Variants in SLF1 observed in about 807,000 individuals in gnomAD.
The protein encoded by SLF1 is SMC5/6 complex localization factor 1.
In SLF1, 105 loss-of-function variants were observed where a neutral mutation model predicts 123.0. The ratio of observed to expected loss-of-function variants is 0.85; its 90% CI spans 0.73 to 1.00. The LOEUF is 1.00. SLF1 is among the 50% of genes least tolerant of loss of function. The pLI, the probability that SLF1 is intolerant of heterozygous loss-of-function variation, is 0.00. For synonymous variants in SLF1, 434 were observed against 406.6 expected, an observed-to-expected ratio of 1.07 and a Z score of -0.81; for missense variants, 1,239 against 1,223.0, an observed-to-expected ratio of 1.01 and a Z score of -0.20.
intron 1 of SLF1, among the ~76,000 whole-genome samples, chr5:94,626,754 G>C (rs1182796922): frequency 6.6e-6 from 1 of 152,168 alleles, no homozygotes; most frequent in Non-Finnish European, 1.5e-5. Context: ...GGCAGTGCAG[G>C]ACTACTACTG....
chr5:94,677,874 A>C (rs1475729951), intron 14 of SLF1, among the ~76,000 whole-genome samples: 1 of 152,148 alleles, frequency 6.6e-6, no homozygotes, highest in Non-Finnish European at 1.5e-5. Flanking sequence ...TACATTTCTT[A>C]TAAGAATTTA....
At chr5:94,655,200 C>T (rs1057263355) in intron 9 of SLF1, among the ~76,000 whole-genome samples, 2 of 152,118 alleles carry the variant, frequency 1.3e-5, no homozygotes, top group African/African-American at 2.4e-5. Flanking sequence ...TGTCCTTTCC[C>T]CCGTGAGTGT....
intron 8 of SLF1, among the ~76,000 whole-genome samples, chr5:94,653,884 C>G (rs1248427163): frequency 6.6e-6 from 1 of 151,198 alleles, no homozygotes; most frequent in Non-Finnish European, 1.5e-5. Context: ...CTAAACCATA[C>G]CATGGGCTGG....
At chr5:94,680,792 C>T (rs1277712904) in intron 15 of SLF1, among the ~76,000 whole-genome samples, 1 of 152,152 alleles carries the variant, frequency 6.6e-6, no homozygotes, top group African/African-American at 2.4e-5. Context: ...CGCTTTAAAG[C>T]AGGACATTGT....
Position 94,629,130 on chromosome 5 carries a change from A to G in SLF1, c.153A>G (p.Leu51=), listed in dbSNP as rs1744932094. Residue 51 remains leucine, a synonymous_variant, in exon 3 of 21, where the codon CTA becomes CTG. Transcript: ENST00000265140. ...GTACACATCTTATAGCTGAACGCCT[A>G]TGTAAGAGTGAAAAATTTTTAGCAG... ...KNCTHLIAER[L]CKSEKFLAAC... 2.6e-6 allele frequency: 4 copies of G among 1,548,852 alleles called. No homozygotes were observed. Among genetic ancestry groups the G allele is most frequent in the Non-Finnish European group, 2.6e-6 (3 of 1,145,960 alleles).
At position 94,649,366 on chromosome 5, in the gene SLF1, ATTATAG is replaced by A. The variant is rs758630067; in HGVS notation, c.595-84_595-79del. The A allele has an allele frequency of 2.4e-4, 265 of 1,101,294 alleles. 1 individual carries two copies. The highest frequency in any genetic ancestry group is 3.7e-4 in the East Asian group (13 of 35,492). 68.2% of individuals were successfully genotyped at this position (1,101,294 alleles called of 1,614,324 possible). On this transcript the variant is annotated intron_variant, in intron 5 of 20. Coordinates refer to ENST00000265140, the MANE Select transcript of SLF1 (RefSeq NM_032290.4). ...TACCTACTTGTTTGACTAACAAAGT[ATTATAG>A]TTAAAGTTGAGTACCATAAAACGTA...
intron 6 of SLF1, 101 bp downstream of exon 6, chr5:94,649,698 C>A: frequency 8.7e-7 from 1 of 1,146,676 alleles, no homozygotes; most frequent in Non-Finnish European, 1.2e-6. Flanking sequence ...AATCAGAAGG[C>A]TGGTGTTTGA....
intron 11 of SLF1, among the ~76,000 whole-genome samples, chr5:94,665,658 C>T (rs1361759209): frequency 6.6e-6 from 1 of 152,088 alleles, no homozygotes; most frequent in South Asian, 2.1e-4. Context: ...GAGGCTGAGG[C>T]AGAAAAATCG....
intron 3 of SLF1, among the ~76,000 whole-genome samples, chr5:94,630,250 T>C (rs1447472907): frequency 6.6e-6 from 1 of 152,208 alleles, no homozygotes; most frequent in Non-Finnish European, 1.5e-5. Flanking sequence ...TAATTATAAC[T>C]AAGTTATAGC....
chr5:94,685,513 A>G (rs1235780078), intron 15 of SLF1, among the ~76,000 whole-genome samples: 4 of 152,172 alleles, frequency 2.6e-5, no homozygotes, highest in African/African-American at 9.7e-5. Context: ...TATGTTACAT[A>G]GAGAATATTA....
chr5:94,693,308 GTATT>G (rs1753234221), intron 20 of SLF1, among the ~76,000 whole-genome samples: 1 of 151,510 alleles, frequency 6.6e-6, no homozygotes, highest in South Asian at 2.1e-4. Context: ...GTTTTTTTTA[GTATT>G]CTGTGTTTAC....
intron 12 of SLF1, 58 bp downstream of exon 12, chr5:94,666,082 AT>A (rs1456457212): frequency 2.8e-6 from 4 of 1,404,678 alleles, no homozygotes; most frequent in Admixed American, 2.7e-5. Flanking sequence ...TATGCTAATT[AT>A]TTTTTTAAGA....
At chr5:94,681,587 G>A (rs1479140164) in intron 15 of SLF1, among the ~76,000 whole-genome samples, 2 of 151,888 alleles carry the variant, frequency 1.3e-5, no homozygotes, top group Admixed American at 6.6e-5. Context: ...ATGCTGGTGC[G>A]CTGCACCCAC....
chr5:94,646,690 G>A (rs764628061), intron 5 of SLF1, among the ~76,000 whole-genome samples: 12 of 152,090 alleles, frequency 7.9e-5, no homozygotes, highest in Non-Finnish European at 1.5e-4. Flanking sequence ...GAATATATTA[G>A]GAATAACAGA....
At chr5:94,690,217 G>T (rs1382865132) in intron 18 of SLF1, among the ~76,000 whole-genome samples, 1 of 152,146 alleles carries the variant, frequency 6.6e-6, no homozygotes, top group Admixed American at 6.5e-5. Context: ...GGATCTTCCA[G>T]AAGTCTATAC....
chr5:94,618,232 C>T (rs1306709154), upstream of SLF1: 1 of 152,278 alleles, frequency 6.6e-6, no homozygotes, highest in Non-Finnish European at 1.5e-5. Flanking sequence ...AGTCACGGTA[C>T]ACGGTGTCTT....
At chr5:94,676,186 A>G (rs536960773) in intron 14 of SLF1, among the ~76,000 whole-genome samples, 21 of 152,178 alleles carry the variant, frequency 1.4e-4, no homozygotes, top group Non-Finnish European at 2.4e-4. Context: ...GCATATGTGC[A>G]TATGGACATA....
intron 1 of SLF1, among the ~76,000 whole-genome samples, chr5:94,619,163 C>T (rs531894483): frequency 2.0e-5 from 3 of 152,284 alleles, no homozygotes; most frequent in Non-Finnish European, 4.4e-5. Context: ...ATGGGGACGC[C>T]TCATCCTGAT....
chr5:94,622,118 A>AT (rs1791854778), intron 1 of SLF1, among the ~76,000 whole-genome samples: 1 of 152,112 alleles, frequency 6.6e-6, no homozygotes, highest in African/African-American at 2.4e-5. Flanking sequence ...GTACTGTGAC[A>AT]TGTGTCTACC....
Sources: allele counts gnomAD v4.1 joint callset (sites outside exome capture counted in the v4.1 genomes callset), GRCh38; gene constraint gnomAD v4.1.1; transcripts MANE v1.5; gene names NCBI Gene and HGNC (gene_info 2026-07-23, HGNC 2026-07-21).